The following LRSAM1 variants were observed in gnomAD, a reference collection of about 807,000 sequenced individuals.
The protein encoded by LRSAM1 is leucine rich repeat and sterile alpha motif containing 1, also known as E3 ubiquitin-protein ligase LRSAM1.
LRSAM1 carries 96 observed loss-of-function variants against 118.1 expected under a neutral mutation model. The ratio of observed to expected loss-of-function variants is 0.81; its 90% confidence interval spans 0.69 to 0.96. The LOEUF is 0.96. Among genes scored for constraint, LRSAM1 ranks in the 40% least tolerant of loss-of-function variants. The pLI, the probability that LRSAM1 is intolerant of heterozygous loss-of-function variation, is 0.00. For missense variants in LRSAM1, 804 were observed against 915.5 expected, an observed-to-expected ratio of 0.88 and a Z score of 1.57; for synonymous variants, 322 against 364.2, an observed-to-expected ratio of 0.88 and a Z score of 1.32.
chr9:127,455,165 T>C (rs2131990385), intron 4 of LRSAM1, 111 bp downstream of exon 4: 3 of 1,057,570 alleles, frequency 2.8e-6, no homozygotes, highest in Non-Finnish European at 4.5e-6. Context: ...CCAGAAGCTC[T>C]AGTCACGAGA....
At chr9:127,494,565 C>CTGT (rs1186149744) in intron 21 of LRSAM1, among the ~76,000 whole-genome samples, 2 of 152,244 alleles carry the variant, frequency 1.3e-5, no homozygotes, top group Non-Finnish European at 2.9e-5. Flanking sequence ...GTCACCGTGG[C>CTGT]TGTTATCAGC....
chr9:127,480,021 G>A (rs767532563), intron 14 of LRSAM1, 43 bp downstream of exon 14: 12 of 1,613,856 alleles, frequency 7.4e-6, no homozygotes, highest in East Asian at 2.2e-5. Context: ...GTCCTTCCCC[G>A]TGCAGTCCCC....
chr9:127,497,846 C>T (rs1836212910), intron 24 of LRSAM1, among the ~76,000 whole-genome samples: 1 of 152,206 alleles, frequency 6.6e-6, no homozygotes, highest in Non-Finnish European at 1.5e-5. Flanking sequence ...GAGCCCGGCA[C>T]CTGCCCACCG....
chr9:127,482,819 C>T (rs1835588720), intron 15 of LRSAM1, 131 bp from the exon 16 acceptor site: 2 of 792,116 alleles, frequency 2.5e-6, no homozygotes, highest in South Asian at 3.0e-5. Flanking sequence ...ATGCGGTAGG[C>T]ATCCAGAGAG....
intron 7 of LRSAM1, among the ~76,000 whole-genome samples, chr9:127,460,136 A>G (rs1259554494): frequency 1.3e-5 from 2 of 151,962 alleles, no homozygotes; most frequent in Non-Finnish European, 2.9e-5. Context: ...AGTAGCTGGA[A>G]TTACAGGCGC....
chr9:127,487,663 G>A lies in LRSAM1; in HGVS notation c.1260-13G>A. 2.5e-6 allele frequency: 4 copies of A among 1,612,214 alleles called. No homozygotes were observed. The East Asian group carries it at 8.9e-5, about 36-fold the overall frequency. ...CGTTCCAAGAATGAATGAATTTGCT[G>A]TCTTTCTGGCAGCATGGCCGAAATG... On this transcript the variant is annotated splice_polypyrimidine_tract_variant and intron_variant, in intron 17 of 25. Coordinates refer to ENST00000300417, the MANE Select transcript of LRSAM1 (RefSeq NM_001005373.4).
chr9:127,496,614 G>T (rs1836155102), intron 23 of LRSAM1, among the ~76,000 whole-genome samples: 1 of 152,218 alleles, frequency 6.6e-6, no homozygotes, highest in Admixed American at 6.5e-5. Context: ...CGACAGCCCA[G>T]CAGGGTACAT....
Position 127,501,051 on chromosome 9 carries a change from C to A in LRSAM1, c.1954C>A (p.Pro652Thr), listed in dbSNP as rs1375358164. 1.9e-6 allele frequency: 3 copies of A among 1,614,054 alleles called. No homozygotes were observed. Among genetic ancestry groups the A allele is most frequent in the Non-Finnish European group, 1.7e-6 (2 of 1,180,024 alleles). Residue 652 changes from proline (P) to threonine (T), a missense_variant, in exon 25 of 26, where the codon CCC (proline) becomes ACC (threonine). By Grantham distance (38) the Pro-to-Thr change is conservative. Transcript: ENST00000300417. The part of the protein sequence containing the change: ...PMGEVVTPTA[P>T]QEPPESVRPS... ...GGGTGAGGTCGTCACCCCTACGGCC[C>A]CCCAGGAGCCTCCTGAGTCTGTGAG...
At chr9:127,495,008 G>A (rs917302767) in intron 21 of LRSAM1, among the ~76,000 whole-genome samples, 19 of 152,196 alleles carry the variant, frequency 1.2e-4, no homozygotes, top group Admixed American at 1.2e-3. Flanking sequence ...CTGGAGTGCA[G>A]TGGCGCGATC....
intron 10 of LRSAM1, among the ~76,000 whole-genome samples, chr9:127,470,163 A>G (rs1279621311): frequency 6.6e-6 from 1 of 152,038 alleles, no homozygotes; most frequent in Non-Finnish European, 1.5e-5. Flanking sequence ...ACATGCCTGT[A>G]TTAGTCTGTT....
At chr9:127,456,122 G>T (rs934347935) in intron 5 of LRSAM1, among the ~76,000 whole-genome samples, 9 of 147,408 alleles carry the variant, frequency 6.1e-5, no homozygotes, top group African/African-American at 2.3e-4. Flanking sequence ...AATGCAGATG[G>T]GTAGAAGCGC....
rs1431272136 is a variant in LRSAM1 at position 127,491,286 on chromosome 9, G to A, written c.1494G>A (p.Glu498=). The A allele has an allele frequency of 6.2e-7, 1 of 1,613,374 alleles. No homozygotes were observed. Among genetic ancestry groups the A allele is most frequent in the South Asian group, 1.1e-5 (1 of 91,074 alleles). ...TAAAGAGGAAGTCCCTGGACACAGA[G>A]TCACTCCAGGTATGTAGGGCTCCCT... ...LELKRKSLDT[E]SLQEMISEQR... The change falls in exon 20 of 26, where the codon GAG becomes GAA. Residue 498 remains glutamate, a synonymous_variant. Transcript: ENST00000300417.
intron 11 of LRSAM1, among the ~76,000 whole-genome samples, chr9:127,475,602 G>A (rs1289894564): frequency 6.6e-6 from 1 of 152,180 alleles, no homozygotes; most frequent in African/African-American, 2.4e-5. Context: ...CCTCAAGATT[G>A]GCACACATTT....
intron 10 of LRSAM1, chr9:127,471,019 C>T (rs11789581): frequency 0.11 from 16,691 of 151,996 alleles, 1,551 homozygotes; most frequent in Admixed American, 0.29. Context: ...GTGCTCTTTT[C>T]TGTATGTATG....
chr9:127,470,971 C>T (rs550949332), intron 10 of LRSAM1: 1 of 152,092 alleles, frequency 6.6e-6, no homozygotes, highest in Non-Finnish European at 1.5e-5. Flanking sequence ...CTCACCGCTG[C>T]ACTTGACTAA....
chr9:127,489,691 C>T (rs917815077), intron 19 of LRSAM1, among the ~76,000 whole-genome samples, 173 bp downstream of exon 19: 5 of 152,284 alleles, frequency 3.3e-5, no homozygotes, highest in South Asian at 2.1e-4. Flanking sequence ...AGCCTTGTGT[C>T]GGGGCTGCTG....
chr9:127,489,156 C>CT (rs1314701460), intron 18 of LRSAM1, among the ~76,000 whole-genome samples: 1 of 152,182 alleles, frequency 6.6e-6, no homozygotes, highest in Non-Finnish European at 1.5e-5. Context: ...ATTCATGCCT[C>CT]TGAGTGTCAC....
intron 24 of LRSAM1, among the ~76,000 whole-genome samples, chr9:127,498,757 A>G (rs1289311577): frequency 6.6e-6 from 1 of 152,154 alleles, no homozygotes; most frequent in Non-Finnish European, 1.5e-5. Context: ...GGTATACTTT[A>G]TATCAAATAT....
intron 11 of LRSAM1, among the ~76,000 whole-genome samples, chr9:127,477,502 C>A (rs899368888): frequency 6.6e-6 from 1 of 152,104 alleles, no homozygotes; most frequent in African/African-American, 2.4e-5. Context: ...ATAATCCCAG[C>A]ACTTTGGGAG....
Sources: allele counts gnomAD v4.1 joint callset (sites outside exome capture counted in the v4.1 genomes callset), GRCh38; gene constraint gnomAD v4.1.1; transcripts MANE v1.5; gene names NCBI Gene and HGNC (gene_info 2026-07-23, HGNC 2026-07-21).